The following ADAMTSL1 variants were observed in gnomAD, a reference collection of about 807,000 sequenced individuals.
The protein encoded by ADAMTSL1 is ADAMTS-like protein 1.
Under a neutral mutation model 201.8 loss-of-function variants are expected in ADAMTSL1, and 126 were observed. The ratio of observed to expected loss-of-function variants is 0.62; its 90% confidence interval spans 0.54 to 0.72. ADAMTSL1 has a LOEUF of 0.72. Among genes scored for constraint, ADAMTSL1 ranks in the 30% least tolerant of loss-of-function variants. The pLI is 0.00. For synonymous variants in ADAMTSL1, 1,121 were observed against 903.4 expected (o/e 1.24, Z -4.32); for missense variants, 2,679 against 2,277.8 (o/e 1.18, Z -3.59).
At chr9:18,754,327 A>C (rs898796044) in intron 16 of ADAMTSL1, among the ~76,000 whole-genome samples, 1 of 152,232 alleles carries the variant, frequency 6.6e-6, no homozygotes, top group Admixed American at 6.5e-5. Context: ...ATCAAACGTT[A>C]ATATTTTTGC....
intron 1 of ADAMTSL1, among the ~76,000 whole-genome samples, chr9:17,972,508 G>T (rs1044170068): frequency 6.6e-6 from 1 of 151,378 alleles, no homozygotes; most frequent in Non-Finnish European, 1.5e-5. Flanking sequence ...ATTTTTTATG[G>T]CTGCATAGTA....
At chr9:18,512,407 A>G (rs1205939756) in intron 2 of ADAMTSL1, among the ~76,000 whole-genome samples, 1 of 152,092 alleles carries the variant, frequency 6.6e-6, no homozygotes, top group African/African-American at 2.4e-5. Flanking sequence ...CATATCAGGA[A>G]TCTGTAACTC....
chr9:18,392,455 C>T (rs1277589379), intron 2 of ADAMTSL1, among the ~76,000 whole-genome samples: 1 of 152,208 alleles, frequency 6.6e-6, no homozygotes, highest in Non-Finnish European at 1.5e-5. Context: ...CATCTCTTTA[C>T]TTCATCCTAC....
chr9:18,162,049 A>G (rs964780210), intron 1 of ADAMTSL1, among the ~76,000 whole-genome samples: 1 of 152,024 alleles, frequency 6.6e-6, no homozygotes, highest in African/African-American at 2.4e-5. Context: ...TTATCTTACA[A>G]TTTCTGTAGG....
At chr9:18,543,415 A>T in intron 3 of ADAMTSL1, among the ~76,000 whole-genome samples, 1 of 152,150 alleles carries the variant, frequency 6.6e-6, no homozygotes, top group East Asian at 1.9e-4. Flanking sequence ...ATGATGAGTG[A>T]CTTTGATTGT....
At chr9:18,723,393 G>T in intron 15 of ADAMTSL1, 1 of 398,450 alleles carries the variant, frequency 2.5e-6, no homozygotes, top group Non-Finnish European at 4.6e-6. Flanking sequence ...AGGAGTCAGT[G>T]CCTGGGACTT....
intron 2 of ADAMTSL1, among the ~76,000 whole-genome samples, chr9:18,231,169 A>G (rs1830634009): frequency 6.6e-6 from 1 of 152,094 alleles, no homozygotes; most frequent in Non-Finnish European, 1.5e-5. Context: ...GAAACTACCA[A>G]TGCCCACTCC....
intron 2 of ADAMTSL1, among the ~76,000 whole-genome samples, chr9:18,196,233 G>T (rs768230857): frequency 6.6e-5 from 10 of 151,898 alleles, no homozygotes; most frequent in Non-Finnish European, 1.3e-4. Context: ...AATCCATTTG[G>T]CTGGGAATTA....
At chr9:18,124,087 T>TTTC in intron 1 of ADAMTSL1, among the ~76,000 whole-genome samples, 1 of 144,366 alleles carries the variant, frequency 6.9e-6, no homozygotes, top group East Asian at 2.0e-4. Flanking sequence ...GTTTTTTTTT[T>TTTC]TTTTTTTTTT....
chr9:18,685,438 T>C (rs574748151), intron 13 of ADAMTSL1, among the ~76,000 whole-genome samples: 2 of 152,338 alleles, frequency 1.3e-5, no homozygotes, highest in Admixed American at 6.5e-5. Context: ...AGTTTATGTA[T>C]TGATTTCATT....
At chr9:18,560,859 TATC>T (rs1302637446) in intron 3 of ADAMTSL1, among the ~76,000 whole-genome samples, 1 of 150,726 alleles carries the variant, frequency 6.6e-6, no homozygotes, top group African/African-American at 2.4e-5. Flanking sequence ...ATATCCCCCT[TATC>T]ATTGTTTATT....
intron 2 of ADAMTSL1, among the ~76,000 whole-genome samples, chr9:18,391,032 C>G (rs1469130736): frequency 1.3e-5 from 2 of 152,124 alleles, no homozygotes; most frequent in African/African-American, 4.8e-5. Flanking sequence ...GATGAAGGAG[C>G]TACAGGAGCC....
At chr9:18,882,401 A>G (rs1333785801) in intron 23 of ADAMTSL1, among the ~76,000 whole-genome samples, 5 of 152,168 alleles carry the variant, frequency 3.3e-5, no homozygotes, top group African/African-American at 1.2e-4. Context: ...TCAGGCTAAA[A>G]AGCTTTATTT....
intron 9 of ADAMTSL1, among the ~76,000 whole-genome samples, chr9:18,672,757 A>T (rs566217356): frequency 6.6e-6 from 1 of 152,326 alleles, no homozygotes; most frequent in East Asian, 1.9e-4. Context: ...TAAACTTGTC[A>T]TAACACTGAA....
chr9:18,859,181 C>A (rs535939944), intron 23 of ADAMTSL1, among the ~76,000 whole-genome samples: 6 of 152,292 alleles, frequency 3.9e-5, no homozygotes, highest in African/African-American at 1.4e-4. Flanking sequence ...AAGTCCAAAA[C>A]AGATCTTACT....
chr9:18,475,008 C>T (rs1821381607), intron 1 of ADAMTSL1, among the ~76,000 whole-genome samples: 1 of 152,240 alleles, frequency 6.6e-6, no homozygotes, highest in African/African-American at 2.4e-5. Context: ...GTAAATGTTC[C>T]GTTGTGACTC....
At chr9:18,735,892 CAAATT>C (rs1818475868) in intron 15 of ADAMTSL1, among the ~76,000 whole-genome samples, 1 of 111,924 alleles carries the variant, frequency 8.9e-6, no homozygotes, top group African/African-American at 2.9e-5. Context: ...GAAATTCTCT[CAAATT>C]AAAAAAAAAA....
chr9:18,162,743 AAAG>A (rs1484734271), intron 1 of ADAMTSL1, among the ~76,000 whole-genome samples: 1 of 152,036 alleles, frequency 6.6e-6, no homozygotes, highest in Non-Finnish European at 1.5e-5. Flanking sequence ...AATACCATAA[AAAG>A]GTATAAAATG....
chr9:18,418,809 C>T (rs919304439), intron 2 of ADAMTSL1, among the ~76,000 whole-genome samples: 8 of 152,242 alleles, frequency 5.3e-5, no homozygotes, highest in African/African-American at 1.9e-4. Context: ...ACTCACAATC[C>T]TATGAGGATA....
Sources: allele counts gnomAD v4.1 joint callset (sites outside exome capture counted in the v4.1 genomes callset), GRCh38; gene constraint gnomAD v4.1.1; transcripts MANE v1.5; gene names NCBI Gene and HGNC (gene_info 2026-07-23, HGNC 2026-07-21).